The following SYNE4 variants were observed in gnomAD, a reference collection of about 807,000 sequenced individuals.
SYNE4 encodes spectrin repeat containing nuclear envelope family member 4.
Under a neutral mutation model 46.9 loss-of-function variants are expected in SYNE4, and 41 were observed. The observed-to-expected ratio is 0.87, with a 90% CI of 0.68 to 1.13. SYNE4 has a LOEUF of 1.13. Ranked by LOEUF, SYNE4 falls within the 50% of genes most tolerant of loss-of-function variation. SYNE4 has a pLI of 0.00. For synonymous variants in SYNE4, 221 were observed against 219.5 expected (o/e 1.01, Z -0.06); for missense variants, 492 against 514.8 (o/e 0.96, Z 0.43).
At chr19:36,004,876 T>C (rs1299574513) in intron 6 of SYNE4, among the ~76,000 whole-genome samples, 12 of 141,674 alleles carry the variant, frequency 8.5e-5, no homozygotes, top group Non-Finnish European at 1.5e-4. Context: ...CTTTTTTTTT[T>C]TTTTTTTTTT....
At chr19:36,007,423 G>T (rs1282820826) in intron 2 of SYNE4, 155 bp from the exon 3 acceptor site, 26 of 985,326 alleles carry the variant, frequency 2.6e-5, no homozygotes, top group Non-Finnish European at 3.1e-5. Flanking sequence ...CACTGGGGGG[G>T]CCTTCCCAGT....
In SYNE4 at chr19:36,006,454, C is replaced by T. The variant is rs201841096; in HGVS notation, c.836G>A (p.Arg279Lys). The T allele has an allele frequency of 3.3e-5, 54 of 1,611,990 alleles. No homozygotes were observed. In the East Asian group the frequency reaches 1.2e-3, roughly 35 times the overall value. The change falls in exon 5 of 8, where the codon AGG becomes AAG. Residue 279 changes from arginine to lysine, a missense_variant. By Grantham distance (26) the Arg-to-Lys change is conservative. Transcript: ENST00000324444. ...LGVPCELCGQ[R>K]GPQGRGQGLE... The stretch of plus-strand genomic sequence containing the variant: ...GCCTTGTCCCCTGCCCTGGGGCCCC[C>T]TCTGGCCACACAGCTCACAGGGCAC...
rs2285423 is a variant in SYNE4, at chr19:36,006,471, A to G, written c.819T>C (p.Cys273=). The G allele has an allele frequency of 0.03, 48,502 of 1,612,718 alleles. 1,561 individuals carry two copies. The highest frequency in any genetic ancestry group is 0.21 in the East Asian group (9,560 of 44,806). Reference sequence around the variant, plus strand: ...GGGGCCCCCTCTGGCCACACAGCTCACAGGGCACTCCTAGTGTCCGGGCTG... The same window carrying G: ...GGGGCCCCCTCTGGCCACACAGCTCGCAGGGCACTCCTAGTGTCCGGGCTG... The part of the protein sequence containing the change: ...QKTARTLGVP[C]ELCGQRGPQG... Residue 273 remains cysteine, a synonymous_variant, in exon 5 of 8, where the codon TGT becomes TGC. Coordinates refer to ENST00000324444, the MANE Select transcript of SYNE4 (RefSeq NM_001039876.3).
chr19:36,006,451 C>T lies in SYNE4; in HGVS notation c.839G>A (p.Gly280Glu). Reference sequence around the variant, plus strand: ...AAGGCCTTGTCCCCTGCCCTGGGGCCCCCTCTGGCCACACAGCTCACAGGG... The same window carrying T: ...AAGGCCTTGTCCCCTGCCCTGGGGCTCCCTCTGGCCACACAGCTCACAGGG... ...GVPCELCGQR[G>E]PQGRGQGLEE... is the part of the protein sequence containing the mutation. The change falls in exon 5 of 8, where the codon GGG becomes GAG. Residue 280 changes from glycine (G) to glutamate (E), a missense_variant. Transcript: ENST00000324444. 2.5e-6 allele frequency: 4 copies of T among 1,611,412 alleles called. No individual in the cohort carries two copies. The highest frequency in any genetic ancestry group is 3.4e-6 in the Non-Finnish European group (4 of 1,178,934).
In SYNE4 at chr19:36,005,366, A is replaced by T. The variant is rs1213456799; in HGVS notation, c.939T>A (p.Arg313=). ...TCCGGAGCAGGGAGTGTCTTTGGTG[A>T]CGTGCTAAGCGTTTCTGGTGGCCGA... ...SGLGHQKRLA[R]HQRHSLLRKP... The change falls in exon 6 of 8, where the codon CGT becomes CGA. Residue 313 remains arginine (R), a synonymous_variant. Coordinates refer to ENST00000324444, the MANE Select transcript of SYNE4 (RefSeq NM_001039876.3). 6.2e-7 allele frequency: 1 copy of T among 1,613,814 alleles called. No homozygotes were observed. The highest frequency in any genetic ancestry group is 2.2e-5 in the East Asian group (1 of 44,878).
chr19:36,007,917 C>A (rs1395650643), intron 2 of SYNE4, among the ~76,000 whole-genome samples: 3 of 151,644 alleles, frequency 2.0e-5, no homozygotes, highest in Non-Finnish European at 2.9e-5. Flanking sequence ...CCCAGCTACT[C>A]GGGTGGCTGA....
intron 7 of SYNE4, 44 bp downstream of exon 7, chr19:36,003,569 A>G: frequency 6.2e-7 from 1 of 1,607,082 alleles, no homozygotes; most frequent in Non-Finnish European, 8.5e-7. Flanking sequence ...TGCTGCTAGG[A>G]GCTCTGTCCC....
At chr19:36,004,491 C>G (rs1231612805) in intron 6 of SYNE4, among the ~76,000 whole-genome samples, 2 of 152,190 alleles carry the variant, frequency 1.3e-5, no homozygotes, top group Non-Finnish European at 2.9e-5. Flanking sequence ...CAATACAATC[C>G]CCCTTTTTCT....
intron 6 of SYNE4, among the ~76,000 whole-genome samples, chr19:36,004,243 G>C (rs1310130617): frequency 1.3e-5 from 2 of 152,166 alleles, no homozygotes; most frequent in Non-Finnish European, 2.9e-5. Flanking sequence ...GGCTGGTCTT[G>C]AACTCCTGGC....
chr19:36,006,944 C>A lies in SYNE4; in HGVS notation c.424G>T (p.Ala142Ser), dbSNP rs1407010025. The change falls in exon 4 of 8, where the codon GCC becomes TCC. Residue 142 changes from alanine to serine, a missense_variant and splice_region_variant. By Grantham distance (99) the Ala-to-Ser change is moderately conservative. Transcript: ENST00000324444. Reference protein sequence around the residue: ...LAQSGMVQLQALQVDLRGAAE... With the variant: ...LAQSGMVQLQSLQVDLRGAAE... ...GCCCCTCGTAGGTCCACCTGGAGGG[C>A]CTGGGGACATATGGACATCACCCCA... The A allele has an allele frequency of 1.9e-6, 3 of 1,545,434 alleles. No homozygotes were observed. The highest frequency in any genetic ancestry group is 2.6e-6 in the Non-Finnish European group (3 of 1,144,280).
chr19:36,005,813 G>T (rs148120366), intron 5 of SYNE4: 1 of 180,564 alleles, frequency 5.5e-6, no homozygotes, highest in South Asian at 1.2e-4. Context: ...GAGGTCAGGC[G>T]TTCGAGACTA....
intron 1 of SYNE4, 55 bp downstream of exon 1, chr19:36,008,499 C>A (rs939638065): frequency 1.2e-6 from 2 of 1,611,034 alleles, no homozygotes; most frequent in Admixed American, 1.7e-5. Flanking sequence ...CTCACATGGC[C>A]CCTGCCACCA....
intron 1 of SYNE4, 51 bp from the exon 2 acceptor site, chr19:36,008,418 G>A (rs1968463221): frequency 6.4e-7 from 1 of 1,567,978 alleles, no homozygotes; most frequent in Admixed American, 1.8e-5. Context: ...TCACTTTTCA[G>A]CCTACCGTCA....
chr19:36,005,298 T>A, intron 6 of SYNE4, 35 bp downstream of exon 6: 2 of 1,599,704 alleles, frequency 1.3e-6, no homozygotes, highest in South Asian at 2.2e-5. Flanking sequence ...CCATCAAGAT[T>A]CCTGAGTGCT....
At chr19:36,004,890 T>TTTG (rs1976796332) in intron 6 of SYNE4, among the ~76,000 whole-genome samples, 1 of 139,636 alleles carries the variant, frequency 7.2e-6, no homozygotes, top group Non-Finnish European at 1.5e-5. Context: ...TTTTTTTTTT[T>TTTG]TTGTTGAGAT....
chr19:36,005,273 G>T, intron 6 of SYNE4, 60 bp downstream of exon 6: 2 of 1,526,166 alleles, frequency 1.3e-6, no homozygotes, highest in South Asian at 1.1e-5. Context: ...TGATTTCTTG[G>T]GTTTCTGTCA....
rs1968464693 is a variant in SYNE4, at chr19:36,008,448, T to G, written c.129-81A>C. 1.9e-6 allele frequency: 3 copies of G among 1,591,312 alleles called. No homozygotes were observed. In the African/African-American group the frequency reaches 4.0e-5, roughly 21 times the overall value. On this transcript the variant is annotated intron_variant, in intron 1 of 7. Transcript: ENST00000324444. Reference sequence around the variant, plus strand: ...CCGTCACCCCAACCCTGGTGGCCTCTCCTATGTCCCCAGGCGATCACAGCC... The same window carrying G: ...CCGTCACCCCAACCCTGGTGGCCTCGCCTATGTCCCCAGGCGATCACAGCC...
intron 2 of SYNE4, 29 bp downstream of exon 2, chr19:36,008,188 C>T (rs1824362456): frequency 6.3e-7 from 1 of 1,589,210 alleles, no homozygotes; most frequent in South Asian, 1.1e-5. Flanking sequence ...GTGGGGCTGG[C>T]ACAAGGGGTC....
rs545200726 is a variant in SYNE4, at chr19:36,006,793, C to T, written c.575G>A (p.Arg192Gln). 15 of 1,611,726 alleles carry T rather than the reference C, an allele frequency of 9.3e-6. No individual in the cohort carries two copies. The highest frequency in any genetic ancestry group is 2.2e-5 in the East Asian group (1 of 44,788). Residue 192 changes from arginine to glutamine, a missense_variant, in exon 4 of 8, where the codon CGG becomes CAG. Arg to Gln is a conservative substitution (Grantham distance 43, BLOSUM62 1). Coordinates refer to ENST00000324444, the MANE Select transcript of SYNE4 (RefSeq NM_001039876.3). The stretch of plus-strand genomic sequence containing the variant: ...CTGGGCCTGCAGCTGCCAGAGCCGC[C>T]GGAAGATGGAGTCTCGGTAAGCTCC... ...ALGAYRDSIF[R>Q]RLWQLQAQLV... is the part of the protein sequence containing the mutation.
Sources: gnomAD v4.1 joint callset for allele counts (sites outside exome capture counted in the v4.1 genomes callset) on GRCh38, gnomAD v4.1.1 for gene constraint, MANE v1.5 for transcripts, NCBI Gene and HGNC (gene_info 2026-07-23, HGNC 2026-07-21) for gene names.